ZNF783: variants seen among roughly 807,000 people sequenced by gnomAD.
ZNF783 encodes the protein zinc finger protein 783, also known as protein ZNF783.
ZNF783 carries 25 observed loss-of-function variants against 31.3 expected under a neutral mutation model. That is an observed-to-expected ratio of 0.80 (90% CI 0.58 to 1.11). The LOEUF (loss-of-function observed/expected upper bound fraction) is 1.11. ZNF783 is among the 50% of genes most tolerant of loss of function. ZNF783 has a pLI of 0.00. For synonymous variants in ZNF783, 369 were observed against 319.1 expected, an observed-to-expected ratio of 1.16 and a Z score of -1.66; for missense variants, 797 against 760.0, an observed-to-expected ratio of 1.05 and a Z score of -0.57.
chr7:149,266,851 T>C lies in ZNF783; in HGVS notation c.453T>C (p.Tyr151=). Residue 151 remains tyrosine (Y), a synonymous_variant, in exon 3 of 6, where the codon TAT becomes TAC. Transcript: ENST00000434415. The part of the protein sequence containing the change: ...VPVTFDDVAV[Y]FSELEWGKLE... ...TGACCTTCGATGATGTGGCCGTGTA[T>C]TTCTCTGAGCTGGAGTGGGGCAAGC... The C allele has an allele frequency of 6.2e-7, 1 of 1,614,022 alleles. No homozygotes were observed.
rs1407322703 is a variant in ZNF783, at chr7:149,282,900, A to G, written c.*557A>G. 1.3e-5 allele frequency: 2 copies of G among 151,954 alleles called. No individual in the cohort carries two copies. The highest frequency in any genetic ancestry group is 4.8e-5 in the African/African-American group (2 of 41,330). The allele number at this position is 151,954 out of a possible 1,614,324, so 9.4% of individuals were successfully genotyped here. On this transcript the variant is annotated 3_prime_UTR_variant, in exon 6 of 6. Transcript: ENST00000434415. ...AAAGTCGGAAAGAGTCGGCTTTTCC[A>G]TGTGAGGCTCGCAGAGCTGAAAGGG...
chr7:149,280,028 C>T (rs1797425360), intron 5 of ZNF783, among the ~76,000 whole-genome samples: 2 of 152,216 alleles, frequency 1.3e-5, no homozygotes, highest in South Asian at 2.1e-4. Context: ...GGGCTCCTCA[C>T]TTCCTAGTAG....
intron 4 of ZNF783, chr7:149,276,158 TG>T: frequency 5.2e-6 from 1 of 190,688 alleles, no homozygotes; most frequent in Non-Finnish European, 9.7e-6. Flanking sequence ...CCCAAAGTGT[TG>T]GGATTACAGG....
intron 4 of ZNF783, among the ~76,000 whole-genome samples, chr7:149,272,520 A>G (rs1360368245): frequency 6.6e-6 from 1 of 151,814 alleles, no homozygotes; most frequent in East Asian, 1.9e-4. Flanking sequence ...GAAGTCTGTC[A>G]GTGTAGTTTT....
intron 5 of ZNF783, among the ~76,000 whole-genome samples, chr7:149,279,663 T>A (rs1470739119): frequency 2.7e-5 from 4 of 148,772 alleles, no homozygotes; most frequent in Admixed American, 2.0e-4. Context: ...TTAATTTTTT[T>A]TTTTTTATTG....
At chr7:149,271,661 A>G (rs933698852) in intron 4 of ZNF783, among the ~76,000 whole-genome samples, 9 of 152,224 alleles carry the variant, frequency 5.9e-5, no homozygotes, top group African/African-American at 2.2e-4. Flanking sequence ...CGAAGTCAAA[A>G]TGATTTAACA....
intron 4 of ZNF783, 148 bp downstream of exon 4, chr7:149,267,370 C>A: frequency 8.9e-7 from 1 of 1,117,514 alleles, no homozygotes; most frequent in African/African-American, 1.6e-5. Flanking sequence ...ACAAGGCCAC[C>A]CTGGGCAGGA....
intron 1 of ZNF783, among the ~76,000 whole-genome samples, chr7:149,264,718 T>A (rs1420302616): frequency 6.6e-6 from 1 of 151,508 alleles, no homozygotes; most frequent in Non-Finnish European, 1.5e-5. Flanking sequence ...ACTGAAAATA[T>A]AAAAATCAGC....
Position 149,282,213 on chromosome 7 carries a change from A to C in ZNF783, c.1511A>C (p.Asn504Thr). Residue 504 changes from asparagine to threonine, a missense_variant, in exon 6 of 6, where the codon AAC (asparagine) becomes ACC (threonine). Transcript: ENST00000434415. ...TGCCCCCAGTGTGGCCGGACCTTCA[A>C]CCGCAACCACCACCTGGCCGTGCAC... ...YQCPQCGRTF[N>T]RNHHLAVHMQ... 6.3e-7 allele frequency: 1 copy of C among 1,598,682 alleles called. No individual in the cohort carries two copies. Among genetic ancestry groups the C allele is most frequent in the Non-Finnish European group, 8.5e-7 (1 of 1,179,112 alleles).
chr7:149,278,593 T>C (rs1797388362), intron 5 of ZNF783, 66 bp downstream of exon 5: 1 of 1,590,400 alleles, frequency 6.3e-7, no homozygotes, highest in Non-Finnish European at 8.5e-7. Context: ...CACCAAGCGA[T>C]GGTGCTGAGG....
At chr7:149,264,127 G>T (rs1185235079) in intron 1 of ZNF783, among the ~76,000 whole-genome samples, 1 of 151,696 alleles carries the variant, frequency 6.6e-6, no homozygotes, top group Non-Finnish European at 1.5e-5. Context: ...TCACACTGTT[G>T]TTGTTTATAA....
At chr7:149,271,571 T>C (rs1215162744) in intron 4 of ZNF783, among the ~76,000 whole-genome samples, 1 of 152,186 alleles carries the variant, frequency 6.6e-6, no homozygotes, top group Non-Finnish European at 1.5e-5. Context: ...CATTTGTGTA[T>C]TTTTAGATTT....
At chr7:149,280,352 A>G (rs1041056454) in intron 5 of ZNF783, among the ~76,000 whole-genome samples, 1 of 151,980 alleles carries the variant, frequency 6.6e-6, no homozygotes, top group African/African-American at 2.4e-5. Flanking sequence ...GGGCCTGGGG[A>G]AGAAGGGCGG....
At chr7:149,280,519 C>G (rs574744844) in intron 5 of ZNF783, among the ~76,000 whole-genome samples, 1 of 152,274 alleles carries the variant, frequency 6.6e-6, no homozygotes, top group East Asian at 1.9e-4. Flanking sequence ...CTGTGGGGAC[C>G]CAGATCAGTC....
chr7:149,266,367 G>C lies in ZNF783; in HGVS notation c.57G>C (p.Gln19His). 1 of 1,597,138 alleles carries C rather than the reference G, an allele frequency of 6.3e-7. No individual in the cohort carries two copies. The highest frequency in any genetic ancestry group is 8.5e-7 in the Non-Finnish European group (1 of 1,178,430). ...AGACAGACAAGCACACAGAGGACCA[G>C]AGTCCTTCGACACCCTTGCCCCAGC... is the stretch of plus-strand genomic sequence containing the variant. The part of the protein sequence containing the change: ...DPETDKHTED[Q>H]SPSTPLPQPA... Residue 19 changes from glutamine (Q) to histidine (H), a missense_variant, in exon 2 of 6, where the codon CAG (glutamine) becomes CAC (histidine). Coordinates refer to ENST00000434415, the MANE Select transcript of ZNF783 (RefSeq NM_001195220.2).
chr7:149,280,031 C>T (rs1445173132), intron 5 of ZNF783, among the ~76,000 whole-genome samples: 2 of 152,030 alleles, frequency 1.3e-5, no homozygotes, highest in African/African-American at 4.8e-5. Flanking sequence ...CTCCTCACTT[C>T]CTAGTAGGGG....
intron 1 of ZNF783, among the ~76,000 whole-genome samples, chr7:149,263,264 A>ATG (rs1796980472): frequency 9.4e-6 from 1 of 105,984 alleles, no homozygotes; most frequent in Non-Finnish European, 1.9e-5. Flanking sequence ...ATATATATAT[A>ATG]CGTGTGTGTG....
chr7:149,264,745 C>T (rs934617931), intron 1 of ZNF783, among the ~76,000 whole-genome samples: 5 of 151,774 alleles, frequency 3.3e-5, no homozygotes, highest in Admixed American at 2.0e-4. Flanking sequence ...TGGTGGCGGG[C>T]GTCTGTAGTC....
chr7:149,262,428 C>T (rs913468491), intron 1 of ZNF783, 71 bp downstream of exon 1: 5 of 1,171,446 alleles, frequency 4.3e-6, no homozygotes, highest in Admixed American at 9.1e-5. Flanking sequence ...GCGAGGGACT[C>T]TGGCCGCGCG....
Sources: gnomAD v4.1 joint callset for allele counts (sites outside exome capture counted in the v4.1 genomes callset) on GRCh38, gnomAD v4.1.1 for gene constraint, MANE v1.5 for transcripts, NCBI Gene and HGNC (gene_info 2026-07-23, HGNC 2026-07-21) for gene names.